The following STKLD1 variants were observed in gnomAD, a reference collection of about 807,000 sequenced individuals.
STKLD1 encodes serine/threonine kinase like domain containing 1, also known as serine/threonine kinase-like domain-containing protein STKLD1.
Under a neutral mutation model 80.4 loss-of-function variants are expected in STKLD1, and 79 were observed. The ratio of observed to expected loss-of-function variants is 0.98; its 90% confidence interval spans 0.82 to 1.19. The LOEUF (loss-of-function observed/expected upper bound fraction) is 1.19, where lower values mean the gene tolerates loss of function less well. Among genes scored for constraint, STKLD1 ranks in the 50% most tolerant of loss-of-function variants. The pLI is 0.00. For synonymous variants in STKLD1, 393 were observed against 357.6 expected, an observed-to-expected ratio of 1.10 and a Z score of -1.12; for missense variants, 841 against 856.0, an observed-to-expected ratio of 0.98 and a Z score of 0.22.
At chr9:133,383,400 GATAT>G (rs1838194902) in intron 2 of STKLD1, among the ~76,000 whole-genome samples, 1 of 21,516 alleles carries the variant, frequency 4.6e-5, no homozygotes, top group African/African-American at 1.7e-4. Context: ...TGATGGTGAT[GATAT>G]ATGATGATGA....
At chr9:133,382,570 ATGG>A (rs1275253018) in intron 2 of STKLD1, among the ~76,000 whole-genome samples, 1 of 140,128 alleles carries the variant, frequency 7.1e-6, no homozygotes, top group East Asian at 2.2e-4. Flanking sequence ...GATGATGGTG[ATGG>A]TGGTCATGGT....
intron 7 of STKLD1, chr9:133,393,937 G>T: frequency 4.8e-6 from 1 of 208,658 alleles, no homozygotes. Context: ...ATTTAGAAGG[G>T]GCAAGAAGTT....
At chr9:133,392,143 C>G (rs1487949383) in intron 7 of STKLD1, among the ~76,000 whole-genome samples, 1 of 148,216 alleles carries the variant, frequency 6.7e-6, no homozygotes. Flanking sequence ...GTAGCGCAAT[C>G]TCGGCTCACT....
In STKLD1 at chr9:133,403,700, G is replaced by T. The variant is rs140772755; in HGVS notation, c.1475G>T (p.Gly492Val). The change falls in exon 15 of 18, where the codon GGT becomes GTT. Residue 492 changes from glycine to valine, a missense_variant and splice_region_variant. Gly to Val is a moderately radical substitution (Grantham distance 109). Transcript: ENST00000371957. ...LGLLWALLLD[G>V]IIVNKAPLEK... ...CCTTCCATCCCTGTCCTCGTTCCAG[G>T]TATCATTGTGAACAAGGCCCCCTTG... The T allele has an allele frequency of 6.2e-7, 1 of 1,613,172 alleles. No individual in the cohort carries two copies. The highest frequency in any genetic ancestry group is 8.5e-7 in the Non-Finnish European group (1 of 1,179,514).
At chr9:133,393,828 T>C (rs1838488203) in intron 7 of STKLD1, 1 of 155,328 alleles carries the variant, frequency 6.4e-6, no homozygotes, top group African/African-American at 2.4e-5. Context: ...AACCAGGGAC[T>C]GATGGACTCA....
intron 10 of STKLD1, 142 bp downstream of exon 10, chr9:133,397,436 C>A: frequency 8.9e-7 from 1 of 1,125,524 alleles, no homozygotes; most frequent in South Asian, 1.5e-5. Context: ...GGAACAGTTT[C>A]CCTCCATCCA....
chr9:133,396,107 C>T (rs1255095494), intron 9 of STKLD1: 1 of 183,594 alleles, frequency 5.4e-6, no homozygotes, highest in Admixed American at 5.5e-5. Flanking sequence ...ATTTTTCATT[C>T]TAACTTACTT....
chr9:133,394,054 C>T lies in STKLD1; in HGVS notation c.584-237C>T, dbSNP rs1027898621. 1.1e-5 allele frequency: 6 copies of T among 534,520 alleles called. No homozygotes were observed. The African/African-American group carries it at 1.1e-4, about 10-fold the overall frequency. 33.1% of individuals were successfully genotyped at this position (534,520 alleles called of 1,614,324 possible). On this transcript the variant is annotated intron_variant, in intron 7 of 17. Coordinates refer to ENST00000371957, the MANE Select transcript of STKLD1 (RefSeq NM_153710.5). This position sits in a 1 kb window ranked among gnomAD's most constrained non-coding sequence, Gnocchi z 4.9. ...ATGGGCCAGCCTGGTGGGCACCCAC[C>T]AAGATGGACAGCTTCAGTGGCTCCA...
intron 7 of STKLD1, among the ~76,000 whole-genome samples, chr9:133,391,154 C>G (rs946182611): frequency 6.6e-6 from 1 of 151,464 alleles, no homozygotes; most frequent in Non-Finnish European, 1.5e-5. Context: ...GTCAGCCCCC[C>G]GCCCGGCCAG....
At chr9:133,386,820 A>G (rs1353687247) in intron 4 of STKLD1, among the ~76,000 whole-genome samples, 1 of 152,222 alleles carries the variant, frequency 6.6e-6, no homozygotes, top group Non-Finnish European at 1.5e-5. Flanking sequence ...GCCAGGCGCC[A>G]GCCTGCATGA....
intron 1 of STKLD1, among the ~76,000 whole-genome samples, chr9:133,377,741 G>T (rs1838027869): frequency 6.6e-6 from 1 of 152,158 alleles, no homozygotes; most frequent in African/African-American, 2.4e-5. Flanking sequence ...TTTTTCCACA[G>T]ATGGAGGCGG....
rs782737798 is a variant in STKLD1, at chr9:133,401,921, C to T, written c.1339+43C>T. ...CTCCTGCCCCACCCACGCTCCAGGA[C>T]AGCCCTTCCCAGGGGTCTTGGAAGG... On this transcript the variant is annotated intron_variant, in intron 13 of 17. Transcript: ENST00000371957. The T allele has an allele frequency of 7.5e-6, 12 of 1,605,154 alleles. No individual in the cohort carries two copies. The South Asian group carries it at 1.2e-4, about 16-fold the overall frequency.
In STKLD1 at chr9:133,401,796, G is replaced by C; in HGVS notation, c.1257G>C (p.Leu419=). The stretch of plus-strand genomic sequence containing the variant: ...GCAACCAAGCCATCACCTCCACCCT[G>C]CTGAGTGCTCTTCAGAGCCACCCCG... ...APCNQAITST[L]LSALQSHPEE... The change falls in exon 13 of 18, where the codon CTG becomes CTC. Residue 419 remains leucine, a synonymous_variant. Coordinates refer to ENST00000371957, the MANE Select transcript of STKLD1 (RefSeq NM_153710.5). 6.2e-7 allele frequency: 1 copy of C among 1,613,618 alleles called. No individual in the cohort carries two copies. The highest frequency in any genetic ancestry group is 1.1e-5 in the South Asian group (1 of 91,078).
At position 133,401,753 on chromosome 9, in the gene STKLD1, C is replaced by G; in HGVS notation, c.1214C>G (p.Pro405Arg). 1 of 1,612,654 alleles carries G rather than the reference C, an allele frequency of 6.2e-7. No homozygotes were observed. Among genetic ancestry groups the G allele is most frequent in the South Asian group, 1.1e-5 (1 of 91,020 alleles). The change falls in exon 13 of 18, where the codon CCG (proline) becomes CGG (arginine). Residue 405 changes from proline (P) to arginine (R), a missense_variant. By Grantham distance (103) the Pro-to-Arg change is moderately radical. Coordinates refer to ENST00000371957, the MANE Select transcript of STKLD1 (RefSeq NM_153710.5). ...HLLGQALVHHPEAKAPCNQAI... is the reference protein window; with the variant it reads ...HLLGQALVHHREAKAPCNQAI... Reference sequence around the variant, plus strand: ...GCTTGAGCAGCGCTGGTGCACCACCCGGAAGCCAAGGCTCCCTGCAACCAA... The same window carrying G: ...GCTTGAGCAGCGCTGGTGCACCACCGGGAAGCCAAGGCTCCCTGCAACCAA...
intron 13 of STKLD1, among the ~76,000 whole-genome samples, chr9:133,402,173 T>G (rs1554777811): frequency 6.6e-6 from 1 of 152,182 alleles, no homozygotes; most frequent in Non-Finnish European, 1.5e-5. Context: ...TTCCTGCCCC[T>G]TCTGGGAGGC....
At chr9:133,395,456 TG>T in intron 8 of STKLD1, 143 bp from the exon 9 acceptor site, 1 of 813,070 alleles carries the variant, frequency 1.2e-6, no homozygotes, top group Non-Finnish European at 1.9e-6. Flanking sequence ...CTGGGGTCTC[TG>T]GGCATTCTTG....
Position 133,405,312 on chromosome 9 carries a change from A to G in STKLD1, c.1934A>G (p.Glu645Gly). The change falls in exon 18 of 18, where the codon GAG becomes GGG. Residue 645 changes from glutamate (E) to glycine (G), a missense_variant. Transcript: ENST00000371957. Reference protein sequence around the residue: ...SMKALLQEIKERFTSSLVSDS... With the variant: ...SMKALLQEIKGRFTSSLVSDS... ...AAGGCCCTGCTCCAGGAGATCAAGG[A>G]GCGCTTCACCTCCAGCCTGGTGAGT... 1 of 1,612,944 alleles carries G rather than the reference A, an allele frequency of 6.2e-7. No individual in the cohort carries two copies. The highest frequency in any genetic ancestry group is 1.3e-5 in the African/African-American group (1 of 75,012).
chr9:133,394,637 AGACCATCCCACGC>A lies in STKLD1; in HGVS notation c.702+233_702+245del. On this transcript the variant is annotated intron_variant, in intron 8 of 17. Transcript: ENST00000371957. This position sits in a 1 kb window ranked among gnomAD's most constrained non-coding sequence, Gnocchi z 4.9. ...GATAATGACAGCAGTGGTAATATTC[AGACCATCCCACGC>A]GACCCTCGCAGCAGCCCTCCAGGTG... The A allele has an allele frequency of 1.9e-6, 1 of 535,130 alleles. No homozygotes were observed. Among genetic ancestry groups the A allele is most frequent in the South Asian group, 2.5e-5 (1 of 39,498 alleles). The allele number at this position is 535,130 out of a possible 1,614,324, so 33.1% of individuals were successfully genotyped here.
chr9:133,386,898 C>T (rs1361618584), intron 4 of STKLD1, among the ~76,000 whole-genome samples: 4 of 152,370 alleles, frequency 2.6e-5, no homozygotes, highest in Admixed American at 2.0e-4. Flanking sequence ...GCCCCTCACA[C>T]GCTCCCTCTG....
Sources: allele counts gnomAD v4.1 joint callset (sites outside exome capture counted in the v4.1 genomes callset), GRCh38; gene constraint gnomAD v4.1.1; non-coding constraint Gnocchi (gnomAD v3.1); transcripts MANE v1.5; gene names NCBI Gene and HGNC (gene_info 2026-07-23, HGNC 2026-07-21).